Variants in MAN1A2 observed in about 807,000 individuals in gnomAD.
MAN1A2 encodes mannosyl-oligosaccharide 1,2-alpha-mannosidase IB.
MAN1A2 carries 26 observed loss-of-function variants against 75.7 expected under a neutral mutation model. The ratio of observed to expected loss-of-function variants is 0.34; its 90% CI spans 0.25 to 0.48. The LOEUF is 0.48. Ranked by LOEUF, MAN1A2 falls within the 20% of genes least tolerant of loss-of-function variation. MAN1A2 has a pLI of 0.99. For synonymous variants in MAN1A2, 247 were observed against 264.6 expected, an observed-to-expected ratio of 0.93 and a Z score of 0.65; for missense variants, 562 against 775.5, an observed-to-expected ratio of 0.72 and a Z score of 3.27.
At position 117,462,803 on chromosome 1, in the gene MAN1A2, GA is replaced by G. The variant is rs137992482; in HGVS notation, c.1074+2193del. On this transcript the variant is annotated intron_variant, in intron 7 of 12. Transcript: ENST00000356554. ...ACTCTGATTTAGTTGGGTATGACAA[GA>G]ATGACCCAATTCGTATAATTTGCTT... 9.9e-5 allele frequency among the ~76,000 whole-genome samples: 15 copies of G among 152,242 alleles called. No individual in the cohort carries two copies. The East Asian group carries it at 2.9e-3, about 29-fold the overall frequency.
chr1:117,385,997 T>A (rs1653513397), intron 1 of MAN1A2, among the ~76,000 whole-genome samples: 1 of 152,184 alleles, frequency 6.6e-6, no homozygotes. Flanking sequence ...AGGTATATAG[T>A]ACCAGCCATA....
At chr1:117,388,772 A>G (rs926483819) in intron 1 of MAN1A2, among the ~76,000 whole-genome samples, 8 of 152,204 alleles carry the variant, frequency 5.3e-5, no homozygotes, top group Non-Finnish European at 1.2e-4. Context: ...AGTACTAATA[A>G]CAGCTTGGGG....
chr1:117,410,905 G>A (rs1647796579), intron 3 of MAN1A2, among the ~76,000 whole-genome samples: 1 of 151,786 alleles, frequency 6.6e-6, no homozygotes, highest in African/African-American at 2.4e-5. Context: ...GACAAAATAT[G>A]TACAGAACCT....
chr1:117,466,586 T>C (rs1435741519), intron 8 of MAN1A2, among the ~76,000 whole-genome samples, 159 bp downstream of exon 8: 1 of 152,142 alleles, frequency 6.6e-6, no homozygotes, highest in East Asian at 1.9e-4. Context: ...TGATCTCTCT[T>C]AGCTTCAGTT....
intron 5 of MAN1A2, among the ~76,000 whole-genome samples, chr1:117,429,432 G>T (rs1469168042): frequency 7.9e-6 from 1 of 127,334 alleles, no homozygotes; most frequent in Non-Finnish European, 1.7e-5. Context: ...GGGCAGGGGG[G>T]CTGACCCCCC....
intron 1 of MAN1A2, among the ~76,000 whole-genome samples, chr1:117,401,798 A>G (rs1423131430): frequency 6.6e-6 from 1 of 152,064 alleles, no homozygotes; most frequent in Non-Finnish European, 1.5e-5. Context: ...CTGTTCTCTT[A>G]TCTTTTCCTC....
At chr1:117,404,497 G>GT (rs1443292250) in intron 2 of MAN1A2, among the ~76,000 whole-genome samples, 1 of 152,100 alleles carries the variant, frequency 6.6e-6, no homozygotes, top group Admixed American at 6.5e-5. Context: ...AGATATTATT[G>GT]TGAGTGTTAA....
chr1:117,411,271 A>T (rs1267167964), intron 3 of MAN1A2, among the ~76,000 whole-genome samples: 1 of 151,810 alleles, frequency 6.6e-6, no homozygotes, highest in Non-Finnish European at 1.5e-5. Flanking sequence ...AAAGAATAGA[A>T]ATAGAAGTGT....
intron 8 of MAN1A2, among the ~76,000 whole-genome samples, chr1:117,472,036 G>A (rs923014433): frequency 2.0e-5 from 3 of 151,940 alleles, no homozygotes; most frequent in East Asian, 1.9e-4. Context: ...CTGGATCTAG[G>A]ATAGCTGTCT....
intron 1 of MAN1A2, among the ~76,000 whole-genome samples, chr1:117,369,280 A>AT (rs1652874200): frequency 6.6e-6 from 1 of 152,226 alleles, no homozygotes; most frequent in Non-Finnish European, 1.5e-5. Flanking sequence ...TGGGGAGAGC[A>AT]TAGCCAAACT....
chr1:117,431,774 T>C (rs2101799184), intron 5 of MAN1A2, among the ~76,000 whole-genome samples: 1 of 152,192 alleles, frequency 6.6e-6, no homozygotes, highest in East Asian at 1.9e-4. Flanking sequence ...ACATGGCAAA[T>C]CCTCATCTCT....
chr1:117,385,492 T>TG (rs1216617248), intron 1 of MAN1A2, among the ~76,000 whole-genome samples: 1 of 152,134 alleles, frequency 6.6e-6, no homozygotes, highest in East Asian at 1.9e-4. Context: ...CAGAGTAACT[T>TG]GGAGTGTTAA....
At chr1:117,463,502 G>A (rs1649889269) in intron 7 of MAN1A2, among the ~76,000 whole-genome samples, 1 of 109,154 alleles carries the variant, frequency 9.2e-6, no homozygotes. Flanking sequence ...TATCCAAGAA[G>A]GGAGAAACAC....
intron 8 of MAN1A2, among the ~76,000 whole-genome samples, chr1:117,474,794 T>G (rs12127779): frequency 8.4e-4 from 128 of 151,974 alleles, no homozygotes; most frequent in African/African-American, 3.1e-3. Context: ...ACAATCAAAA[T>G]AGTGAACATA....
intron 1 of MAN1A2, among the ~76,000 whole-genome samples, chr1:117,379,011 C>T (rs1653247122): frequency 6.6e-6 from 1 of 152,014 alleles, no homozygotes; most frequent in East Asian, 1.9e-4. Context: ...TAGTTTTACA[C>T]AAGTTTGAAA....
intron 2 of MAN1A2, among the ~76,000 whole-genome samples, chr1:117,403,275 T>C (rs1179054760): frequency 6.6e-6 from 1 of 152,262 alleles, no homozygotes; most frequent in East Asian, 1.9e-4. Context: ...GCAGATACTT[T>C]AAGCTTAGCC....
At chr1:117,455,854 T>A (rs1259241337) in intron 6 of MAN1A2, among the ~76,000 whole-genome samples, 1 of 151,908 alleles carries the variant, frequency 6.6e-6, no homozygotes, top group East Asian at 1.9e-4. Flanking sequence ...GTATATTACA[T>A]ATCCTCTCAA....
chr1:117,440,707 G>A lies in MAN1A2; in HGVS notation c.856-1524G>A, dbSNP rs569731083. The stretch of plus-strand genomic sequence containing the variant: ...TTGGTTTATTCTGGAAGTGAATTGA[G>A]CATGCTTTCTATTTAGAAAAAGTTC... On this transcript the variant is annotated intron_variant, in intron 5 of 12. Transcript: ENST00000356554. Among the ~76,000 whole-genome samples the A allele has an allele frequency of 1.1e-4, 16 of 152,034 alleles. No individual in the cohort carries two copies. In the East Asian group the frequency reaches 3.1e-3, roughly 29 times the overall value.
chr1:117,481,234 C>G (rs1187684147), intron 8 of MAN1A2, among the ~76,000 whole-genome samples: 1 of 151,652 alleles, frequency 6.6e-6, no homozygotes, highest in African/African-American at 2.4e-5. Flanking sequence ...GTAGGTTCCT[C>G]TCTCTACTTC....
Sources: gnomAD v4.1 joint callset for allele counts (sites outside exome capture counted in the v4.1 genomes callset) on GRCh38, gnomAD v4.1.1 for gene constraint, MANE v1.5 for transcripts, NCBI Gene and HGNC (gene_info 2026-07-23, HGNC 2026-07-21) for gene names.